The following RAB11FIP4 variants were observed in gnomAD, a reference collection of about 807,000 sequenced individuals.
RAB11FIP4 encodes the protein rab11 family-interacting protein 4.
Under a neutral mutation model 74.3 loss-of-function variants are expected in RAB11FIP4, and 23 were observed. That is an observed-to-expected ratio of 0.31 (90% CI 0.22 to 0.44). The LOEUF (loss-of-function observed/expected upper bound fraction) is 0.44. Among genes scored for constraint, RAB11FIP4 ranks in the 20% least tolerant of loss-of-function variants. RAB11FIP4 has a pLI of 1.00. For synonymous variants in RAB11FIP4, 360 were observed against 359.9 expected, an observed-to-expected ratio of 1.00 and a Z score of 0.00; for missense variants, 630 against 863.9, an observed-to-expected ratio of 0.73 and a Z score of 3.39.
chr17:31,437,398 A>G (rs1469750134), intron 3 of RAB11FIP4, among the ~76,000 whole-genome samples: 1 of 152,136 alleles, frequency 6.6e-6, no homozygotes, highest in East Asian at 1.9e-4. Context: ...TGGACTGGGC[A>G]GGTCCGAATT....
intron 3 of RAB11FIP4, among the ~76,000 whole-genome samples, chr17:31,453,355 C>CAAAAAAAAAAAAAAAAAAAAAAAA (rs747844559): frequency 1.4e-5 from 1 of 71,774 alleles, no homozygotes; most frequent in Non-Finnish European, 2.5e-5. Context: ...GACCCTACCT[C>CAAAAAAAAAAAAAAAAAAAAAAAA]AAAAAAAAAA....
chr17:31,484,051 G>A lies in RAB11FIP4; in HGVS notation c.337-33600G>A, dbSNP rs141280626. Among the ~76,000 whole-genome samples the A allele has an allele frequency of 4.7e-3, 711 of 150,468 alleles. 3 individuals carry two copies. The highest frequency in any genetic ancestry group is 5.4e-3 in the Non-Finnish European group (369 of 67,826). On this transcript the variant is annotated intron_variant, in intron 3 of 14. Transcript: ENST00000621161. ...ATTGTGCCACGGCACTTCAGCCTAG[G>A]CAACAGAGCAAGATCTTATCTTTTT...
Position 31,531,826 on chromosome 17 carries a change from A to G in RAB11FIP4, c.*94A>G. ...GGCCTAAGCCGGGCCTCACACTCAC[A>G]CTGTAAATGTCTCTCTGGCCACCAT... On this transcript the variant is annotated 3_prime_UTR_variant, in exon 15 of 15. Transcript: ENST00000621161. 1.3e-6 allele frequency: 1 copy of G among 779,874 alleles called. No individual in the cohort carries two copies. The highest frequency in any genetic ancestry group is 2.2e-6 in the Non-Finnish European group (1 of 451,076). 48.3% of individuals were successfully genotyped at this position (779,874 alleles called of 1,614,324 possible). A position where few individuals can be genotyped will look rare whatever the true frequency, so the allele number is the denominator to read the frequency against.
In RAB11FIP4 at chr17:31,532,138, A is replaced by G. The variant is rs540468888; in HGVS notation, c.*406A>G. On this transcript the variant is annotated 3_prime_UTR_variant, in exon 15 of 15. Coordinates refer to ENST00000621161, the MANE Select transcript of RAB11FIP4 (RefSeq NM_032932.6). ...CGATGGGCTCTTTCACCCCACTCCT[A>G]GTCCCCTTGGGAGTGGGAGCAAAAT... 4 of 168,592 alleles carry G rather than the reference A, an allele frequency of 2.4e-5. No individual in the cohort carries two copies. Among genetic ancestry groups the G allele is most frequent in the Admixed American group, 5.7e-5 (1 of 17,596 alleles). 10.4% of individuals were successfully genotyped at this position (168,592 alleles called of 1,614,324 possible).
chr17:31,450,488 G>A (rs550997101), intron 3 of RAB11FIP4, among the ~76,000 whole-genome samples: 1 of 152,020 alleles, frequency 6.6e-6, no homozygotes, highest in South Asian at 2.1e-4. Flanking sequence ...GGGATTATAG[G>A]ACGGCGCCAT....
intron 3 of RAB11FIP4, among the ~76,000 whole-genome samples, chr17:31,490,655 T>C (rs753873300): frequency 1.6e-4 from 24 of 151,964 alleles, no homozygotes; most frequent in Non-Finnish European, 2.6e-4. Flanking sequence ...CCTCCCAGGC[T>C]CAAGCAATCT....
intron 1 of RAB11FIP4, among the ~76,000 whole-genome samples, chr17:31,409,071 G>C (rs1042153453): frequency 2.6e-5 from 4 of 152,186 alleles, no homozygotes; most frequent in Non-Finnish European, 5.9e-5. Flanking sequence ...GCAGCTAGCT[G>C]GGCTGAGGCT....
rs924715863 is a variant in RAB11FIP4, at chr17:31,534,254, C to T, written c.*2522C>T. 5 of 152,216 alleles carry T rather than the reference C, an allele frequency of 3.3e-5. No homozygotes were observed. The highest frequency in any genetic ancestry group is 4.8e-5 in the African/African-American group (2 of 41,446). The allele number at this position is 152,216 out of a possible 1,614,324, so 9.4% of individuals were successfully genotyped here. ...AAAATAATTTTAGAATAAATATGTT[C>T]TATCTAATACATGGGACAGATGTTA... On this transcript the variant is annotated 3_prime_UTR_variant, in exon 15 of 15. Coordinates refer to ENST00000621161, the MANE Select transcript of RAB11FIP4 (RefSeq NM_032932.6).
chr17:31,496,002 CG>C (rs1423513914), intron 3 of RAB11FIP4, among the ~76,000 whole-genome samples: 1 of 152,138 alleles, frequency 6.6e-6, no homozygotes, highest in African/African-American at 2.4e-5. Flanking sequence ...CGCACATTTG[CG>C]GATTATTATA....
chr17:31,525,039 T>G (rs1226931050), intron 9 of RAB11FIP4, 51 bp from the exon 10 acceptor site: 1 of 1,548,636 alleles, frequency 6.5e-7, no homozygotes, highest in African/African-American at 1.4e-5. Context: ...CAGCCTGGGT[T>G]GGGGTGAAAT....
intron 3 of RAB11FIP4, among the ~76,000 whole-genome samples, chr17:31,508,117 T>C (rs2008095): frequency 0.19 from 28,982 of 152,204 alleles, 3,071 homozygotes; most frequent in East Asian, 0.5. Flanking sequence ...TGTGAGCCAC[T>C]GTGCCCGGCC....
chr17:31,520,988 T>C, intron 4 of RAB11FIP4, 178 bp from the exon 5 acceptor site: 1 of 452,814 alleles, frequency 2.2e-6, no homozygotes, highest in South Asian at 5.0e-5. Context: ...GTAGAAATGG[T>C]TTCTGTGGTG....
chr17:31,405,228 G>A (rs540387644), intron 1 of RAB11FIP4, among the ~76,000 whole-genome samples: 6 of 152,230 alleles, frequency 3.9e-5, no homozygotes, highest in South Asian at 2.1e-4. Flanking sequence ...GTCTGGAGGC[G>A]TTCACATGGG....
chr17:31,445,554 A>T (rs1447108677), intron 3 of RAB11FIP4, among the ~76,000 whole-genome samples: 2 of 37,420 alleles, frequency 5.3e-5, no homozygotes, highest in South Asian at 8.7e-4. Context: ...ATATATATAT[A>T]TATATATATA....
intron 3 of RAB11FIP4, among the ~76,000 whole-genome samples, chr17:31,457,667 G>A (rs2071591663): frequency 6.6e-6 from 1 of 151,976 alleles, no homozygotes; most frequent in South Asian, 2.1e-4. Context: ...GCCTGGGGGT[G>A]GGAGCAGGCC....
chr17:31,417,522 C>T (rs2071159727), intron 1 of RAB11FIP4, among the ~76,000 whole-genome samples: 1 of 152,206 alleles, frequency 6.6e-6, no homozygotes, highest in Non-Finnish European at 1.5e-5. Flanking sequence ...TACTCCAAGC[C>T]AAGCCCTGAA....
At chr17:31,448,236 T>C (rs927638070) in intron 3 of RAB11FIP4, among the ~76,000 whole-genome samples, 15 of 152,098 alleles carry the variant, frequency 9.9e-5, no homozygotes, top group Admixed American at 6.5e-4. Flanking sequence ...ATTGCTATTT[T>C]GTTTTCCTTT....
chr17:31,439,794 T>C (rs1338090506), intron 3 of RAB11FIP4, among the ~76,000 whole-genome samples: 1 of 152,036 alleles, frequency 6.6e-6, no homozygotes, highest in African/African-American at 2.4e-5. Flanking sequence ...TTTTTTTGTT[T>C]GTTTGTTTGT....
chr17:31,488,028 T>G, intron 3 of RAB11FIP4: 1 of 1,009,992 alleles, frequency 9.9e-7, no homozygotes, highest in Non-Finnish European at 1.2e-6. Flanking sequence ...CGCCTCGTGA[T>G]GTCACCGCAG....
Sources: gnomAD v4.1 joint callset for allele counts (sites outside exome capture counted in the v4.1 genomes callset) on GRCh38, gnomAD v4.1.1 for gene constraint, MANE v1.5 for transcripts, NCBI Gene and HGNC (gene_info 2026-07-23, HGNC 2026-07-21) for gene names.